Variants in EXOC4 observed in about 807,000 individuals in gnomAD.
The protein encoded by EXOC4 is exocyst complex component 4.
In EXOC4, 71 loss-of-function variants were observed where a neutral mutation model predicts 107.2. The ratio of observed to expected loss-of-function variants is 0.66; its 90% CI spans 0.55 to 0.81. The LOEUF (loss-of-function observed/expected upper bound fraction) is 0.81, where lower values mean the gene tolerates loss of function less well. EXOC4 is among the 30% of genes least tolerant of loss of function. The probability of loss-of-function intolerance (pLI) is 0.00; values close to 1 mark genes in which losing one functional copy is unlikely to be tolerated. For synonymous variants in EXOC4, 456 were observed against 441.2 expected (o/e 1.03, Z -0.42); for missense variants, 1,108 against 1,189.6 (o/e 0.93, Z 1.01).
At chr7:133,686,605 CA>C (rs1422131479) in intron 10 of EXOC4, among the ~76,000 whole-genome samples, 1 of 152,088 alleles carries the variant, frequency 6.6e-6, no homozygotes, top group Non-Finnish European at 1.5e-5. Context: ...TGCCAATAAA[CA>C]TATGAAAAAA....
chr7:133,652,571 G>C (rs1803187628), intron 10 of EXOC4, among the ~76,000 whole-genome samples: 1 of 152,012 alleles, frequency 6.6e-6, no homozygotes. Context: ...GACAAAGACA[G>C]ACCAGGGTAC....
At chr7:133,879,027 A>G (rs1488928478) in intron 11 of EXOC4, among the ~76,000 whole-genome samples, 1 of 151,952 alleles carries the variant, frequency 6.6e-6, no homozygotes, top group Non-Finnish European at 1.5e-5. Context: ...GCCTGGCCTC[A>G]ATTTTCATTT....
intron 12 of EXOC4, among the ~76,000 whole-genome samples, chr7:133,909,919 ATTTTTTT>A (rs764890539): frequency 1.3e-5 from 1 of 75,476 alleles, no homozygotes; most frequent in African/African-American, 5.7e-5. Context: ...GTTGAGACAG[ATTTTTTT>A]TTTTTTTTTT....
intron 9 of EXOC4, among the ~76,000 whole-genome samples, chr7:133,558,199 T>C (rs868866890): frequency 3.9e-5 from 4 of 101,382 alleles, no homozygotes; most frequent in African/African-American, 1.7e-4. Context: ...CTCTTTTCTT[T>C]TCTTTTCTTT....
intron 9 of EXOC4, among the ~76,000 whole-genome samples, chr7:133,611,032 G>A (rs1261061886): frequency 4.0e-5 from 6 of 148,600 alleles, no homozygotes; most frequent in Non-Finnish European, 3.0e-5. Context: ...CTGAACTCCC[G>A]GGCTCAAATG....
chr7:133,736,477 T>G (rs962684014), intron 10 of EXOC4, among the ~76,000 whole-genome samples: 1 of 152,228 alleles, frequency 6.6e-6, no homozygotes, highest in Non-Finnish European at 1.5e-5. Context: ...AAGACTCTAA[T>G]ATGCTTTGGG....
At chr7:133,968,503 C>T (rs1180320982) in intron 14 of EXOC4, among the ~76,000 whole-genome samples, 2 of 152,158 alleles carry the variant, frequency 1.3e-5, no homozygotes, top group Non-Finnish European at 2.9e-5. Context: ...ATATTTAGTA[C>T]TTCCTTCAGG....
At chr7:133,590,523 G>A (rs1349423761) in intron 9 of EXOC4, among the ~76,000 whole-genome samples, 4 of 152,024 alleles carry the variant, frequency 2.6e-5, no homozygotes, top group Non-Finnish European at 5.9e-5. Flanking sequence ...GCCCCATCCT[G>A]TACCCATAAA....
chr7:133,855,094 T>TATATATATAAATATATATATAA (rs1585200462), intron 11 of EXOC4, among the ~76,000 whole-genome samples: 36 of 84,420 alleles, frequency 4.3e-4, no homozygotes, highest in African/African-American at 1.7e-3. Context: ...TATATATAAA[T>TATATATATAAATATATATATAA]ATATATATAA....
intron 10 of EXOC4, among the ~76,000 whole-genome samples, chr7:133,665,443 T>C (rs1793790286): frequency 6.6e-6 from 1 of 152,198 alleles, no homozygotes; most frequent in Admixed American, 6.6e-5. Flanking sequence ...CTTCTGAAAG[T>C]AATCCTTCTG....
At chr7:133,681,810 G>A (rs1339906249) in intron 10 of EXOC4, among the ~76,000 whole-genome samples, 1 of 151,766 alleles carries the variant, frequency 6.6e-6, no homozygotes, top group African/African-American at 2.4e-5. Flanking sequence ...CTCCTTCATC[G>A]GTTGTACGTT....
chr7:133,538,942 T>G (rs1800329774), intron 9 of EXOC4, among the ~76,000 whole-genome samples: 1 of 116,344 alleles, frequency 8.6e-6, no homozygotes, highest in Admixed American at 9.3e-5. Flanking sequence ...TACACTTAGC[T>G]CTGTGAAATA....
At chr7:133,865,868 G>A (rs533500736) in intron 11 of EXOC4, among the ~76,000 whole-genome samples, 5 of 152,236 alleles carry the variant, frequency 3.3e-5, no homozygotes, top group South Asian at 2.1e-4. Context: ...ACTGAAGATC[G>A]TAATTCAATA....
At chr7:133,578,334 C>T (rs1453250545) in intron 9 of EXOC4, among the ~76,000 whole-genome samples, 2 of 152,094 alleles carry the variant, frequency 1.3e-5, no homozygotes, top group Non-Finnish European at 2.9e-5. Flanking sequence ...GAGTGTAGTT[C>T]CCAGATGGCT....
At chr7:133,758,207 G>A (rs1463668023) in intron 10 of EXOC4, among the ~76,000 whole-genome samples, 7 of 152,012 alleles carry the variant, frequency 4.6e-5, no homozygotes, top group East Asian at 3.9e-4. Context: ...GTGCAGTGGC[G>A]TGTCTCGGCT....
At chr7:133,703,921 G>A (rs187995257) in intron 10 of EXOC4, among the ~76,000 whole-genome samples, 34 of 152,290 alleles carry the variant, frequency 2.2e-4, no homozygotes, top group African/African-American at 7.9e-4. Flanking sequence ...CTTTCTCACT[G>A]TATAAATCTT....
chr7:133,808,672 A>G (rs1279130684), intron 10 of EXOC4, among the ~76,000 whole-genome samples: 1 of 152,106 alleles, frequency 6.6e-6, no homozygotes, highest in Non-Finnish European at 1.5e-5. Context: ...CCCAAAGCCC[A>G]ATTGTCATCT....
At chr7:133,807,163 G>C (rs1434905499) in intron 10 of EXOC4, among the ~76,000 whole-genome samples, 1 of 152,174 alleles carries the variant, frequency 6.6e-6, no homozygotes, top group East Asian at 1.9e-4. Flanking sequence ...CTTGGAACCA[G>C]TCCCCCAGGG....
Position 133,825,153 on chromosome 7 carries a change from C to T in EXOC4, c.1734+7609C>T, listed in dbSNP as rs186396391. ...TTGCTTGAGGCCAGGAATTCGAGAC[C>T]AGCCTAGGCAACATAGCAAGCAACT... On this transcript the variant is annotated intron_variant, in intron 11 of 17. Transcript: ENST00000253861. Among the ~76,000 whole-genome samples the T allele has an allele frequency of 2.2e-3, 339 of 150,816 alleles. 6 individuals carry two copies. The highest frequency in any genetic ancestry group is 0.021 in the Admixed American group (320 of 15,076).
Sources: gnomAD v4.1 joint callset for allele counts (sites outside exome capture counted in the v4.1 genomes callset) on GRCh38, gnomAD v4.1.1 for gene constraint, MANE v1.5 for transcripts, NCBI Gene and HGNC (gene_info 2026-07-23, HGNC 2026-07-21) for gene names.